Variants in FRMD5 observed in about 807,000 individuals in gnomAD.
FRMD5 encodes the protein FERM domain containing 5, also known as FERM domain-containing protein 5.
In FRMD5, 20 loss-of-function variants were observed where a neutral mutation model predicts 69.0. The ratio of observed to expected loss-of-function variants is 0.29; its 90% CI spans 0.20 to 0.42. The LOEUF is 0.42. FRMD5 is among the 10% of genes least tolerant of loss of function. The pLI, the probability that FRMD5 is intolerant of heterozygous loss-of-function variation, is 1.00. For missense variants in FRMD5, 595 were observed against 708.6 expected (o/e 0.84, Z 1.82); for synonymous variants, 271 against 260.1 (o/e 1.04, Z -0.40).
chr15:44,126,887 C>T (rs1008734587), intron 1 of FRMD5, among the ~76,000 whole-genome samples: 1 of 152,178 alleles, frequency 6.6e-6, no homozygotes, highest in African/African-American at 2.4e-5. Context: ...GTCAAGAGAA[C>T]GTTAAGCTAA....
chr15:44,042,875 G>A lies in FRMD5; in HGVS notation c.103-118566C>T, dbSNP rs147876948. 0.016 allele frequency among the ~76,000 whole-genome samples: 2,434 copies of A among 152,298 alleles called. 176 individuals are homozygous for A. The East Asian group carries it at 0.18, about 11-fold the overall frequency. Reference sequence around the variant, plus strand: ...CCCTTTGAAAACCGGCACAAGACAAGGATAGCCTCTCTCACCATTCCTATT... The same window carrying A: ...CCCTTTGAAAACCGGCACAAGACAAAGATAGCCTCTCTCACCATTCCTATT... On this transcript the variant is annotated intron_variant, in intron 1 of 13. Transcript: ENST00000417257.
At chr15:43,890,265 G>C (rs749608068) in intron 8 of FRMD5, among the ~76,000 whole-genome samples, 1 of 152,174 alleles carries the variant, frequency 6.6e-6, no homozygotes, top group Non-Finnish European at 1.5e-5. Context: ...AGTGAGATTG[G>C]GTTTACATCT....
intron 1 of FRMD5, among the ~76,000 whole-genome samples, chr15:43,948,070 T>A (rs537634938): frequency 6.6e-6 from 1 of 152,292 alleles, no homozygotes; most frequent in African/African-American, 2.4e-5. Flanking sequence ...AACAACCTTA[T>A]GAGGTAGGTA....
intron 1 of FRMD5, among the ~76,000 whole-genome samples, chr15:43,934,001 G>A (rs1004120116): frequency 3.9e-5 from 6 of 152,130 alleles, no homozygotes; most frequent in Non-Finnish European, 5.9e-5. Flanking sequence ...TCTAGGAGGC[G>A]GGGCTGGAAG....
chr15:44,172,593 A>G (rs2077824271), intron 1 of FRMD5, among the ~76,000 whole-genome samples: 1 of 152,206 alleles, frequency 6.6e-6, no homozygotes, highest in Non-Finnish European at 1.5e-5. Context: ...CAAAAATGGG[A>G]CATGCTATTA....
At chr15:44,101,305 C>G (rs2076636880) in intron 1 of FRMD5, among the ~76,000 whole-genome samples, 1 of 152,166 alleles carries the variant, frequency 6.6e-6, no homozygotes, top group Non-Finnish European at 1.5e-5. Flanking sequence ...GAATATAAAG[C>G]AAGCTTGTGG....
At chr15:44,129,245 C>G (rs759565484) in intron 1 of FRMD5, among the ~76,000 whole-genome samples, 4 of 152,150 alleles carry the variant, frequency 2.6e-5, no homozygotes, top group Non-Finnish European at 4.4e-5. Flanking sequence ...GAAACTCCAT[C>G]TAGTAAAAAA....
intron 6 of FRMD5, among the ~76,000 whole-genome samples, chr15:43,905,555 A>G (rs1461546818): frequency 6.6e-6 from 1 of 152,192 alleles, no homozygotes; most frequent in Non-Finnish European, 1.5e-5. Flanking sequence ...TTCAAAGGCC[A>G]ATCCCTCTCT....
chr15:44,139,298 TACACACACAC>T (rs140679752), intron 1 of FRMD5, among the ~76,000 whole-genome samples: 8 of 143,678 alleles, frequency 5.6e-5, no homozygotes, highest in African/African-American at 1.0e-4. Context: ...CCCCTCTCTC[TACACACACAC>T]ACACACACAC....
At chr15:43,974,344 T>A (rs1234742807) in intron 1 of FRMD5, among the ~76,000 whole-genome samples, 4 of 152,178 alleles carry the variant, frequency 2.6e-5, no homozygotes, top group Admixed American at 2.6e-4. Flanking sequence ...GCCAATATCT[T>A]TTAGTGTCTT....
chr15:43,974,483 G>A (rs2090434616), intron 1 of FRMD5, among the ~76,000 whole-genome samples: 1 of 152,128 alleles, frequency 6.6e-6, no homozygotes, highest in Non-Finnish European at 1.5e-5. Flanking sequence ...GCCTTAGGAT[G>A]GTCCCATTCC....
intron 1 of FRMD5, among the ~76,000 whole-genome samples, chr15:44,113,523 CCT>C (rs981607537): frequency 2.6e-5 from 4 of 151,970 alleles, no homozygotes; most frequent in African/African-American, 9.7e-5. Flanking sequence ...GGGTATTCAC[CCT>C]CTCTGGCATT....
chr15:43,883,903 C>G, intron 12 of FRMD5, 94 bp from the exon 13 acceptor site: 1 of 877,172 alleles, frequency 1.1e-6, no homozygotes, highest in East Asian at 2.5e-5. Flanking sequence ...AATTGCCTGG[C>G]TATATTAAGT....
intron 1 of FRMD5, among the ~76,000 whole-genome samples, chr15:43,942,694 G>A (rs2089882032): frequency 6.6e-6 from 1 of 152,148 alleles, no homozygotes; most frequent in Non-Finnish European, 1.5e-5. Flanking sequence ...ATATAAATGA[G>A]TCATGAATAA....
intron 1 of FRMD5, among the ~76,000 whole-genome samples, chr15:44,150,716 A>T (rs368382047): frequency 6.6e-6 from 1 of 151,724 alleles, no homozygotes. Flanking sequence ...GTTTGAGTCC[A>T]GGAACTCAAG....
intron 1 of FRMD5, among the ~76,000 whole-genome samples, chr15:44,007,111 G>T (rs1390036821): frequency 6.6e-6 from 1 of 152,056 alleles, no homozygotes; most frequent in Non-Finnish European, 1.5e-5. Context: ...TCAACATCAA[G>T]GCAGGACCTT....
At chr15:44,171,856 C>T (rs1489811152) in intron 1 of FRMD5, among the ~76,000 whole-genome samples, 1 of 152,146 alleles carries the variant, frequency 6.6e-6, no homozygotes, top group African/African-American at 2.4e-5. Context: ...TTCTGTCTCC[C>T]GGGTTCAAAT....
rs760564859 is a variant in FRMD5, at chr15:43,873,981, G to A, written c.1617C>T (p.Pro539=). Residue 539 remains proline, a synonymous_variant, in exon 14 of 14, where the codon CCC becomes CCT. Coordinates refer to ENST00000417257, the MANE Select transcript of FRMD5 (RefSeq NM_032892.5). ...ATTGATAGTGGAATTGTTCAAACTC[G>A]GGGGTCTGGCGGATATCACGGAAAA... ...IAFFRDIRQT[P]EFEQFHYQYF... The A allele has an allele frequency of 1.2e-5, 20 of 1,614,086 alleles. No homozygotes were observed. The highest frequency in any genetic ancestry group is 1.5e-5 in the Non-Finnish European group (18 of 1,180,044).
At chr15:44,109,401 T>G (rs1343025823) in intron 1 of FRMD5, among the ~76,000 whole-genome samples, 1 of 152,176 alleles carries the variant, frequency 6.6e-6, no homozygotes, top group East Asian at 1.9e-4. Context: ...TGTCACCTAT[T>G]ATCTTCTGGT....
Sources: allele counts gnomAD v4.1 joint callset (sites outside exome capture counted in the v4.1 genomes callset), GRCh38; gene constraint gnomAD v4.1.1; transcripts MANE v1.5; gene names NCBI Gene and HGNC (gene_info 2026-07-23, HGNC 2026-07-21).